DLG2: variants seen among roughly 807,000 people sequenced by gnomAD.
DLG2 encodes the protein disks large homolog 2.
DLG2 carries 45 observed loss-of-function variants against 132.5 expected under a neutral mutation model. The ratio of observed to expected loss-of-function variants is 0.34; its 90% CI spans 0.27 to 0.44. The LOEUF (loss-of-function observed/expected upper bound fraction) is 0.44. Among genes scored for constraint, DLG2 ranks in the 20% least tolerant of loss-of-function variants. DLG2 has a pLI of 1.00. For missense variants in DLG2, 1,045 were observed against 1,196.9 expected (o/e 0.87, Z 1.87); for synonymous variants, 424 against 419.6 (o/e 1.01, Z -0.13).
chr11:84,094,252 T>C (rs1262522781), intron 10 of DLG2, among the ~76,000 whole-genome samples: 3 of 152,156 alleles, frequency 2.0e-5, no homozygotes, highest in African/African-American at 7.2e-5. Context: ...TAAATAATAG[T>C]GTGAATTTTA....
At chr11:85,534,314 TC>T (rs1222876540) in intron 3 of DLG2, among the ~76,000 whole-genome samples, 2 of 152,112 alleles carry the variant, frequency 1.3e-5, no homozygotes, top group Non-Finnish European at 2.9e-5. Context: ...TAAAAAAAGG[TC>T]TTTTTTATTT....
chr11:83,843,801 CTG>C (rs1001402886), intron 16 of DLG2, among the ~76,000 whole-genome samples: 61 of 152,134 alleles, frequency 4.0e-4, no homozygotes, highest in African/African-American at 1.4e-3. Context: ...ATCTAGAAAA[CTG>C]AGAAGTTTTA....
chr11:84,981,448 T>C (rs1592171219), intron 6 of DLG2, among the ~76,000 whole-genome samples: 1 of 152,102 alleles, frequency 6.6e-6, no homozygotes, highest in East Asian at 1.9e-4. Context: ...ACTGTAACTG[T>C]GTATGTCTGA....
chr11:84,078,283 T>C (rs2096855428), intron 10 of DLG2, among the ~76,000 whole-genome samples: 1 of 152,224 alleles, frequency 6.6e-6, no homozygotes, highest in Non-Finnish European at 1.5e-5. Flanking sequence ...GAAAACTGAA[T>C]TCCTTCCAAG....
At chr11:85,265,897 C>G (rs2077183808) in intron 4 of DLG2, among the ~76,000 whole-genome samples, 1 of 152,182 alleles carries the variant, frequency 6.6e-6, no homozygotes, top group Non-Finnish European at 1.5e-5. Flanking sequence ...GAAAGCTTCT[C>G]TCATTGCTCA....
At chr11:84,093,576 G>T (rs776434475) in intron 10 of DLG2, among the ~76,000 whole-genome samples, 4 of 151,950 alleles carry the variant, frequency 2.6e-5, no homozygotes, top group African/African-American at 9.7e-5. Context: ...CAGGTTCTAT[G>T]GATTATGGTA....
chr11:84,440,168 T>C (rs978327846), intron 7 of DLG2, among the ~76,000 whole-genome samples: 1 of 152,328 alleles, frequency 6.6e-6, no homozygotes, highest in Non-Finnish European at 1.5e-5. Context: ...AAGATCCTTA[T>C]AAAATAAATT....
intron 11 of DLG2, among the ~76,000 whole-genome samples, chr11:84,012,385 G>A (rs2094934750): frequency 6.6e-6 from 1 of 152,094 alleles, no homozygotes; most frequent in African/African-American, 2.4e-5. Context: ...TTGACTTCCT[G>A]TTTACTCTAA....
intron 16 of DLG2, among the ~76,000 whole-genome samples, chr11:83,842,866 C>T (rs1430940919): frequency 6.6e-6 from 1 of 151,344 alleles, no homozygotes; most frequent in African/African-American, 2.4e-5. Context: ...TGAAGTCTTT[C>T]TCATGGCCAT....
At chr11:83,920,646 A>G (rs568923459) in intron 15 of DLG2, among the ~76,000 whole-genome samples, 1 of 152,292 alleles carries the variant, frequency 6.6e-6, no homozygotes, top group South Asian at 2.1e-4. Flanking sequence ...AAATTTATGG[A>G]GCACTTCATA....
At chr11:83,953,429 G>T (rs571976668) in intron 14 of DLG2, among the ~76,000 whole-genome samples, 1 of 152,310 alleles carries the variant, frequency 6.6e-6, no homozygotes, top group Admixed American at 6.5e-5. Context: ...TAGGTCGCAT[G>T]CTCTTTATGA....
At chr11:83,900,134 GT>G (rs1245810913) in intron 15 of DLG2, among the ~76,000 whole-genome samples, 3 of 152,122 alleles carry the variant, frequency 2.0e-5, no homozygotes, top group African/African-American at 7.2e-5. Context: ...ATGATTTAGG[GT>G]ATCTGGCAGA....
At chr11:83,634,020 G>A (rs1209902205) in intron 18 of DLG2, among the ~76,000 whole-genome samples, 3 of 151,954 alleles carry the variant, frequency 2.0e-5, no homozygotes, top group Non-Finnish European at 2.9e-5. Context: ...GTATTGAGGA[G>A]AGACTCTAGT....
At chr11:84,000,719 CA>C (rs1159067817) in intron 11 of DLG2, among the ~76,000 whole-genome samples, 10 of 152,046 alleles carry the variant, frequency 6.6e-5, no homozygotes, top group South Asian at 4.2e-4. Context: ...TTAAAAGTTT[CA>C]AAAGAAAAAC....
At chr11:85,351,035 C>A (rs2083250587) in intron 3 of DLG2, among the ~76,000 whole-genome samples, 1 of 152,176 alleles carries the variant, frequency 6.6e-6, no homozygotes, top group Admixed American at 6.5e-5. Flanking sequence ...TTCTTCCTAT[C>A]CATGAGGATG....
chr11:84,176,052 C>G (rs1362404679), intron 8 of DLG2, among the ~76,000 whole-genome samples: 1 of 151,808 alleles, frequency 6.6e-6, no homozygotes, highest in Non-Finnish European at 1.5e-5. Flanking sequence ...TACATTATTG[C>G]ATTGGATTCT....
chr11:83,486,025 G>A (rs1230213894), intron 21 of DLG2: 1 of 414,316 alleles, frequency 2.4e-6, no homozygotes, highest in African/African-American at 2.1e-5. Context: ...CATTCTCAGA[G>A]GGAAAAGAGG....
At chr11:85,333,574 A>G (rs1032633142) in intron 3 of DLG2, among the ~76,000 whole-genome samples, 1 of 152,142 alleles carries the variant, frequency 6.6e-6, no homozygotes, top group Non-Finnish European at 1.5e-5. Context: ...TGGGTTTGCC[A>G]TAGAGGCTCT....
chr11:83,790,228 C>T (rs1473873228), intron 17 of DLG2: 4 of 907,018 alleles, frequency 4.4e-6, no homozygotes, highest in Non-Finnish European at 7.2e-6. Context: ...TGGATGTATG[C>T]CCTTCCACAT....
Sources: allele counts gnomAD v4.1 joint callset (sites outside exome capture counted in the v4.1 genomes callset), GRCh38; gene constraint gnomAD v4.1.1; transcripts MANE v1.5; gene names NCBI Gene and HGNC (gene_info 2026-07-23, HGNC 2026-07-21).